The following LNP1 variants were observed in gnomAD, a reference collection of about 807,000 sequenced individuals.
LNP1 encodes leukemia NUP98 fusion partner 1.
A neutral mutation model predicts 14.5 loss-of-function variants in LNP1; 12 were observed. The ratio of observed to expected loss-of-function variants is 0.83; its 90% CI spans 0.53 to 1.34. The LOEUF (loss-of-function observed/expected upper bound fraction) is 1.34, where lower values mean the gene tolerates loss of function less well. LNP1 is among the 40% of genes most tolerant of loss of function. LNP1 has a pLI of 0.00. For missense variants in LNP1, 198 were observed against 210.9 expected (o/e 0.94, Z 0.38); for synonymous variants, 75 against 71.4 (o/e 1.05, Z -0.26).
At chr3:100,425,166 G>A (rs1165745477) in intron 1 of LNP1, among the ~76,000 whole-genome samples, 2 of 152,172 alleles carry the variant, frequency 1.3e-5, no homozygotes, top group Non-Finnish European at 2.9e-5. Flanking sequence ...AAGAATTCAA[G>A]TTCAGTTACC....
At chr3:100,420,424 A>C (rs1707132709) in intron 1 of LNP1, among the ~76,000 whole-genome samples, 1 of 151,972 alleles carries the variant, frequency 6.6e-6, no homozygotes, top group East Asian at 1.9e-4. Context: ...CGATCCTCCC[A>C]CCTCAGCCTC....
intron 2 of LNP1, among the ~76,000 whole-genome samples, chr3:100,434,938 T>A (rs962534658): frequency 9.9e-5 from 15 of 152,112 alleles, no homozygotes; most frequent in Non-Finnish European, 2.2e-4. Flanking sequence ...TTTTTTATTG[T>A]TGATCTACTT....
intron 1 of LNP1, among the ~76,000 whole-genome samples, chr3:100,427,088 C>T (rs116251672): frequency 8.6e-5 from 13 of 152,020 alleles, no homozygotes; most frequent in South Asian, 4.2e-4. Context: ...CTGTATGAGG[C>T]GATGGGGTAT....
rs1037451823 is a variant in LNP1 at position 100,456,118 on chromosome 3, A to G, written c.*192A>G. ...TCCAAGATGACTTGCATCATACCCC[A>G]ATTACTGCTGGCATCTTAGTTGAGA... is the stretch of plus-strand genomic sequence containing the variant. On this transcript the variant is annotated 3_prime_UTR_variant, in exon 4 of 4. Transcript: ENST00000383693. 1 of 525,340 alleles carries G rather than the reference A, an allele frequency of 1.9e-6. No individual in the cohort carries two copies. The allele number at this position is 525,340 out of a possible 1,614,324, so 32.5% of individuals were successfully genotyped here.
intron 1 of LNP1, among the ~76,000 whole-genome samples, chr3:100,424,617 G>A (rs115142844): frequency 0.011 from 1,712 of 152,306 alleles, 22 homozygotes; most frequent in African/African-American, 0.039. Flanking sequence ...AAGAAAGTCA[G>A]TTGTTCAGCA....
At chr3:100,441,841 T>C (rs1166957778) in intron 2 of LNP1, among the ~76,000 whole-genome samples, 4 of 151,940 alleles carry the variant, frequency 2.6e-5, no homozygotes, top group Admixed American at 6.6e-5. Flanking sequence ...TTTTTTGTAT[T>C]TTTAGTAGAG....
intron 1 of LNP1, among the ~76,000 whole-genome samples, chr3:100,420,681 A>G (rs1376849645): frequency 1.3e-5 from 2 of 152,146 alleles, no homozygotes; most frequent in African/African-American, 4.8e-5. Context: ...TAAAAAATGT[A>G]TTCTAGTTAC....
chr3:100,437,453 G>A (rs1397612856), intron 2 of LNP1, among the ~76,000 whole-genome samples: 1 of 152,100 alleles, frequency 6.6e-6, no homozygotes, highest in South Asian at 2.1e-4. Flanking sequence ...AGCAGGGTCT[G>A]TTCATTTCCC....
At position 100,423,307 on chromosome 3, in the gene LNP1, A is replaced by T. The variant is rs1559842177; in HGVS notation, c.-33-6390A>T. ...CTGTTAAGAAAAAGAAAAACGAAAT[A>T]AAAAAAAATAAGTTACTACTGCAAC... is the stretch of plus-strand genomic sequence containing the variant. On this transcript the variant is annotated intron_variant, in intron 1 of 3. Coordinates refer to ENST00000383693, the MANE Select transcript of LNP1 (RefSeq NM_001085451.2). Among the ~76,000 whole-genome samples, 3 of 151,592 alleles carry T rather than the reference A, an allele frequency of 2.0e-5. 1 individual carries two copies. Among genetic ancestry groups the T allele is most frequent in the Middle Eastern group, 6.4e-3 (2 of 314 alleles).
intron 2 of LNP1, among the ~76,000 whole-genome samples, chr3:100,440,316 C>A (rs1000915140): frequency 2.0e-5 from 3 of 152,258 alleles, no homozygotes; most frequent in East Asian, 3.9e-4. Flanking sequence ...TATAGTTCAG[C>A]CCATAACAAC....
intron 1 of LNP1, among the ~76,000 whole-genome samples, chr3:100,428,014 G>A (rs1576230717): frequency 6.6e-6 from 1 of 152,186 alleles, no homozygotes; most frequent in Admixed American, 6.5e-5. Context: ...AGGGCAAATG[G>A]CCAAGAATTC....
At chr3:100,409,372 C>T (rs1201326928) in intron 1 of LNP1, among the ~76,000 whole-genome samples, 5 of 151,674 alleles carry the variant, frequency 3.3e-5, no homozygotes, top group African/African-American at 4.8e-5. Context: ...AGGCTGGGCA[C>T]GGTGGCTCAT....
intron 2 of LNP1, among the ~76,000 whole-genome samples, chr3:100,435,330 A>G (rs181743410): frequency 6.6e-6 from 1 of 152,292 alleles, no homozygotes; most frequent in African/African-American, 2.4e-5. Flanking sequence ...TTCTTCATTT[A>G]CTAGCAGCAT....
intron 1 of LNP1, among the ~76,000 whole-genome samples, chr3:100,425,113 A>G (rs1006183307): frequency 6.6e-6 from 1 of 152,198 alleles, no homozygotes; most frequent in African/African-American, 2.4e-5. Flanking sequence ...TAGTCAAGAT[A>G]GGTACACAGG....
intron 3 of LNP1, among the ~76,000 whole-genome samples, chr3:100,452,228 G>C (rs1472249384): frequency 2.7e-5 from 4 of 145,800 alleles, no homozygotes; most frequent in African/African-American, 1.0e-4. Context: ...TTTGAGATAG[G>C]GTCTTACTCT....
rs370534321 is a variant in LNP1, at chr3:100,430,016, AT to A, written c.156+132del. 6 of 852,292 alleles carry A rather than the reference AT, an allele frequency of 7.0e-6. No individual in the cohort carries two copies. In the African/African-American group the frequency reaches 1.0e-4, roughly 15 times the overall value. 52.8% of individuals were successfully genotyped at this position (852,292 alleles called of 1,614,324 possible). On this transcript the variant is annotated intron_variant, in intron 2 of 3. Coordinates refer to ENST00000383693, the MANE Select transcript of LNP1 (RefSeq NM_001085451.2). ...AAACCAGTACTTCTGAGTCTTTCTCATACCCACAGAAATCTCTCTTATTATT... is the reference window on the plus strand; with the variant it reads ...AAACCAGTACTTCTGAGTCTTTCTCAACCCACAGAAATCTCTCTTATTATT...
intron 2 of LNP1, among the ~76,000 whole-genome samples, chr3:100,440,473 G>T (rs1373391695): frequency 6.6e-6 from 1 of 152,118 alleles, no homozygotes; most frequent in Non-Finnish European, 1.5e-5. Flanking sequence ...AATCCCATCA[G>T]TAAGGGATGA....
intron 3 of LNP1, among the ~76,000 whole-genome samples, chr3:100,454,358 T>A (rs1246696667): frequency 6.6e-6 from 1 of 152,186 alleles, no homozygotes; most frequent in Admixed American, 6.5e-5. Flanking sequence ...TCCGAACATA[T>A]ACAGATACAC....
chr3:100,449,495 T>C (rs1446938923), intron 2 of LNP1, among the ~76,000 whole-genome samples: 1 of 152,182 alleles, frequency 6.6e-6, no homozygotes, highest in Non-Finnish European at 1.5e-5. Context: ...CCTGGGCTAT[T>C]ATATACTATT....
Sources: allele counts gnomAD v4.1 joint callset (sites outside exome capture counted in the v4.1 genomes callset), GRCh38; gene constraint gnomAD v4.1.1; transcripts MANE v1.5; gene names NCBI Gene and HGNC (gene_info 2026-07-23, HGNC 2026-07-21).